Variants in RBM4B observed in about 807,000 individuals in gnomAD.
The protein encoded by RBM4B is RNA-binding protein 4B.
In RBM4B, 13 loss-of-function variants were observed where a neutral mutation model predicts 28.5. The ratio of observed to expected loss-of-function variants is 0.46; its 90% CI spans 0.30 to 0.72. RBM4B has a LOEUF of 0.72. Among genes scored for constraint, RBM4B ranks in the 30% least tolerant of loss-of-function variants. The pLI, the probability that RBM4B is intolerant of heterozygous loss-of-function variation, is 0.09. For synonymous variants in RBM4B, 167 were observed against 179.1 expected (o/e 0.93, Z 0.54); for missense variants, 387 against 477.6 (o/e 0.81, Z 1.77).
intron 3 of RBM4B, chr11:66,666,334 A>C: frequency 9.8e-7 from 1 of 1,016,098 alleles, no homozygotes; most frequent in Non-Finnish European, 1.2e-6. Context: ...GTGCCAATCG[A>C]CTTCAAAAGT....
Position 66,672,506 on chromosome 11 carries a change from G to C in RBM4B, c.413-3215C>G, listed in dbSNP as rs112218567. The stretch of plus-strand genomic sequence containing the variant: ...TTAATTTATTTTTATTAATTTTTTT[G>C]GGGGGGGGGGACAGATTCTTGCTCT... On this transcript the variant is annotated intron_variant, in intron 2 of 3. Transcript: ENST00000310046. Among the ~76,000 whole-genome samples the C allele has an allele frequency of 8.1e-5, 9 of 111,058 alleles. No homozygotes were observed. In the East Asian group the frequency reaches 2.6e-3, roughly 32 times the overall value. The allele number at this position is 111,058 out of a possible 152,430, so 72.9% of individuals were successfully genotyped here.
rs199497547 is a variant in RBM4B at position 66,676,488 on chromosome 11, A to G, written c.412+180T>C. ...GGTGAGCAACATCTTAGCAAACCTG[A>G]AAAGGGGAAGTGTTTGCTTCCCCAG... On this transcript the variant is annotated intron_variant, in intron 2 of 3. Transcript: ENST00000310046. 2.5e-5 allele frequency: 18 copies of G among 729,384 alleles called. No homozygotes were observed. In the East Asian group the frequency reaches 4.1e-4, roughly 16 times the overall value. 45.2% of individuals were successfully genotyped at this position (729,384 alleles called of 1,614,324 possible).
Position 66,677,317 on chromosome 11 carries a change from C to A in RBM4B, c.-12-226G>T, listed in dbSNP as rs1003565539. 38 of 581,460 alleles carry A rather than the reference C, an allele frequency of 6.5e-5. No individual in the cohort carries two copies. The East Asian group carries it at 1.1e-3, about 17-fold the overall frequency. 36.0% of individuals were successfully genotyped at this position (581,460 alleles called of 1,614,324 possible). A position where few individuals can be genotyped will look rare whatever the true frequency, so the allele number is the denominator to read the frequency against. On this transcript the variant is annotated intron_variant, in intron 1 of 3. Coordinates refer to ENST00000310046, the MANE Select transcript of RBM4B (RefSeq NM_031492.4). ...GGTCAGCATGCATAGCCCAGTCTAT[C>A]ATCTCCGTGAAGTGGAGCGCAATGA...
chr11:66,671,418 A>G (rs193146508), intron 2 of RBM4B, among the ~76,000 whole-genome samples: 2 of 152,344 alleles, frequency 1.3e-5, no homozygotes, highest in East Asian at 3.9e-4. Context: ...TCAAATATAC[A>G]TGGTGACATT....
At chr11:66,670,021 G>C (rs1386977184) in intron 2 of RBM4B, among the ~76,000 whole-genome samples, 4 of 152,180 alleles carry the variant, frequency 2.6e-5, no homozygotes, top group African/African-American at 7.2e-5. Flanking sequence ...ATCTCTCACT[G>C]ACTGACTAAG....
chr11:66,666,131 G>GAA, intron 3 of RBM4B: 1 of 763,910 alleles, frequency 1.3e-6, no homozygotes, highest in Non-Finnish European at 2.0e-6. Flanking sequence ...CAGAGTGAGA[G>GAA]CCACAGTTCC....
At position 66,677,882 on chromosome 11, in the gene RBM4B, G is replaced by A. The variant is rs1306262092; in HGVS notation, c.-131C>T. 6.5e-6 allele frequency: 1 copy of A among 152,706 alleles called. No individual in the cohort carries two copies. The highest frequency in any genetic ancestry group is 3.1e-3 in the Middle Eastern group (1 of 318). The allele number at this position is 152,706 out of a possible 1,614,324, so 9.5% of individuals were successfully genotyped here. On this transcript the variant is annotated 5_prime_UTR_variant, in exon 1 of 4. Transcript: ENST00000310046. ...CTCGCGCGCCAGCTCACGCACGCGC[G>A]AGTGCGCGCTGCTTCCCTCCCCTTC...
chr11:66,677,142 C>G, intron 1 of RBM4B, 51 bp from the exon 2 acceptor site: 1 of 1,577,550 alleles, frequency 6.3e-7, no homozygotes, highest in Admixed American at 1.8e-5. Context: ...TGGGAAATTT[C>G]GGTGCACTGC....
rs1486777868 is a variant in RBM4B at position 66,676,893 on chromosome 11, C to T, written c.187G>A (p.Val63Met). Reference protein sequence around the residue: ...RNLHHYKLHGVNINVEASKNK... With the variant: ...RNLHHYKLHGMNINVEASKNK... ...TTGCTGGCTTCCACGTTGATGTTCA[C>T]CCCATGAAGCTTGTAATGGTGCAGG... Residue 63 changes from valine to methionine, a missense_variant, in exon 2 of 4, where the codon GTG (valine) becomes ATG (methionine). Val to Met is a conservative substitution (Grantham distance 21). Around this residue, in one of 2 missense-constraint regions of RBM4B, gnomAD observed 161 missense variants for 256.9 expected, o/e 0.63. Coordinates refer to ENST00000310046, the MANE Select transcript of RBM4B (RefSeq NM_031492.4). The T allele has an allele frequency of 6.2e-7, 1 of 1,614,170 alleles. No homozygotes were observed. The highest frequency in any genetic ancestry group is 1.1e-5 in the South Asian group (1 of 91,084).
At chr11:66,665,793 CAA>C in intron 3 of RBM4B, 1 of 1,413,834 alleles carries the variant, frequency 7.1e-7, no homozygotes, top group Non-Finnish European at 9.5e-7. Flanking sequence ...ATATATAGGA[CAA>C]GATGCAATCT....
chr11:66,665,766 A>G (rs1268309038), intron 3 of RBM4B, 188 bp from the exon 4 acceptor site: 8 of 1,304,152 alleles, frequency 6.1e-6, no homozygotes, highest in Non-Finnish European at 8.3e-6. Flanking sequence ...TATATATAGG[A>G]ATCCACTTAT....
intron 2 of RBM4B, 77 bp downstream of exon 2, chr11:66,676,591 G>A (rs1939643115): frequency 6.6e-7 from 1 of 1,517,530 alleles, no homozygotes; most frequent in South Asian, 1.2e-5. Flanking sequence ...CACCCAGCAA[G>A]TTCTATAGTC....
Position 66,676,847 on chromosome 11 carries a change from G to A in RBM4B, c.233C>T (p.Thr78Ile), listed in dbSNP as rs1234592361. 7 of 1,614,068 alleles carry A rather than the reference G, an allele frequency of 4.3e-6. No individual in the cohort carries two copies. The highest frequency in any genetic ancestry group is 5.9e-6 in the Non-Finnish European group (7 of 1,180,054). Residue 78 changes from threonine to isoleucine, a missense_variant, in exon 2 of 4, where the codon ACC (threonine) becomes ATC (isoleucine). Physicochemically the swap from Thr to Ile is moderately conservative, Grantham distance 89. Coordinates refer to ENST00000310046, the MANE Select transcript of RBM4B (RefSeq NM_031492.4). ...EASKNKSKAS[T>I]KLHVGNISPT... ...GCTGATGTTACCCACGTGTAACTTG[G>A]TTGAAGCTTTGCTCTTATTCTTGCT...
intron 1 of RBM4B, 47 bp from the exon 2 acceptor site, chr11:66,677,138 A>T (rs922864688): frequency 2.5e-6 from 4 of 1,582,974 alleles, no homozygotes; most frequent in Non-Finnish European, 3.4e-6. Flanking sequence ...GTGGTGGGAA[A>T]TTTCGGTGCA....
rs768540001 is a variant in RBM4B at position 66,671,011 on chromosome 11, G to A, written c.413-1720C>T. ...GTTGGAAATAGCCCTATTGAGGACG[G>A]CAGCCAGAACAGTGCCATGCACTGA... On this transcript the variant is annotated intron_variant, in intron 2 of 3. Transcript: ENST00000310046. The A allele has an allele frequency of 1.0e-5, 7 of 702,614 alleles. No homozygotes were observed. The South Asian group carries it at 1.0e-4, about 10-fold the overall frequency. The allele number at this position is 702,614 out of a possible 1,614,324, so 43.5% of individuals were successfully genotyped here. A position where few individuals can be genotyped will look rare whatever the true frequency, so the allele number is the denominator to read the frequency against.
chr11:66,676,537 T>C (rs1003157633), intron 2 of RBM4B, 131 bp downstream of exon 2: 3 of 1,118,474 alleles, frequency 2.7e-6, no homozygotes, highest in Admixed American at 2.7e-5. Context: ...TTAAGAGCGG[T>C]AAACATAATC....
At position 66,665,489 on chromosome 11, in the gene RBM4B, A is replaced by G; in HGVS notation, c.*99T>C. 2.1e-6 allele frequency: 2 copies of G among 941,586 alleles called. No individual in the cohort carries two copies. Among genetic ancestry groups the G allele is most frequent in the Non-Finnish European group, 3.3e-6 (2 of 609,188 alleles). 58.3% of individuals were successfully genotyped at this position (941,586 alleles called of 1,614,324 possible). ...ACTCCTTTTGTTTACTGAAACATGA[A>G]GCAATGGAAACATCCCGGCAAAGGG... On this transcript the variant is annotated 3_prime_UTR_variant, in exon 4 of 4. Transcript: ENST00000310046.
At chr11:66,674,873 A>G (rs1340220648) in intron 2 of RBM4B, among the ~76,000 whole-genome samples, 1 of 152,178 alleles carries the variant, frequency 6.6e-6, no homozygotes, top group Admixed American at 6.5e-5. Context: ...CCCTGCCTGT[A>G]TTAAATATAT....
At chr11:66,674,872 T>C (rs1219634487) in intron 2 of RBM4B, among the ~76,000 whole-genome samples, 1 of 152,178 alleles carries the variant, frequency 6.6e-6, no homozygotes, top group African/African-American at 2.4e-5. Flanking sequence ...ACCCTGCCTG[T>C]ATTAAATATA....
Sources: gnomAD v4.1 joint callset for allele counts (sites outside exome capture counted in the v4.1 genomes callset) on GRCh38, gnomAD v4.1.1 for gene constraint, gnomAD v4.1.1 regional missense constraint, MANE v1.5 for transcripts, NCBI Gene and HGNC (gene_info 2026-07-23, HGNC 2026-07-21) for gene names.